Variants in CAP2 observed in about 807,000 individuals in gnomAD.
CAP2 encodes cyclase associated actin cytoskeleton regulatory protein 2, also known as adenylyl cyclase-associated protein 2.
Under a neutral mutation model 57.7 loss-of-function variants are expected in CAP2, and 24 were observed. The ratio of observed to expected loss-of-function variants is 0.42; its 90% CI spans 0.30 to 0.58. The LOEUF is 0.58. Ranked by LOEUF, CAP2 falls within the 20% of genes least tolerant of loss-of-function variation. CAP2 has a pLI of 0.22. For synonymous variants in CAP2, 194 were observed against 207.2 expected (o/e 0.94, Z 0.55); for missense variants, 501 against 590.3 (o/e 0.85, Z 1.57).
At chr6:17,396,331 A>T (rs931404962) in intron 1 of CAP2, among the ~76,000 whole-genome samples, 2 of 152,154 alleles carry the variant, frequency 1.3e-5, no homozygotes, top group Non-Finnish European at 2.9e-5. Context: ...ATATGCTCAC[A>T]AAAAAACCTG....
intron 4 of CAP2, among the ~76,000 whole-genome samples, chr6:17,498,829 C>T (rs1009340985): frequency 6.6e-6 from 1 of 151,938 alleles, no homozygotes; most frequent in Admixed American, 6.6e-5. Context: ...CCTGGGTTCA[C>T]GCCATTCTCC....
At chr6:17,499,612 G>A (rs568211835) in intron 4 of CAP2, among the ~76,000 whole-genome samples, 193 of 152,106 alleles carry the variant, frequency 1.3e-3, no homozygotes, top group African/African-American at 4.0e-3. Flanking sequence ...ACTTTGAGAG[G>A]CTGGGGTGGG....
chr6:17,443,500 A>G (rs781300084), intron 3 of CAP2, among the ~76,000 whole-genome samples: 4 of 151,944 alleles, frequency 2.6e-5, no homozygotes, highest in Non-Finnish European at 5.9e-5. Context: ...AAAAGGAATG[A>G]CCTCTTTACA....
In CAP2 at chr6:17,450,197, G is replaced by A. The variant is rs1436039485; in HGVS notation, c.223-12799G>A. ...CTCCCGAGTAGCTGGGACTACAGGCGCCCACCACCACAGCCGGCAAATTTT... is the reference window on the plus strand; with the variant it reads ...CTCCCGAGTAGCTGGGACTACAGGCACCCACCACCACAGCCGGCAAATTTT... On this transcript the variant is annotated intron_variant, in intron 3 of 12. Coordinates refer to ENST00000229922, the MANE Select transcript of CAP2 (RefSeq NM_006366.3). Among the ~76,000 whole-genome samples, 5 of 151,920 alleles carry A rather than the reference G, an allele frequency of 3.3e-5. No homozygotes were observed. The South Asian group carries it at 6.3e-4, about 19-fold the overall frequency.
chr6:17,403,055 A>G (rs925099604), intron 1 of CAP2, among the ~76,000 whole-genome samples: 159 of 152,216 alleles, frequency 1.0e-3, no homozygotes, highest in Non-Finnish European at 7.3e-5. Context: ...AAAAATAAGA[A>G]TTAAATTGAT....
intron 1 of CAP2, among the ~76,000 whole-genome samples, chr6:17,398,152 G>A (rs1758717683): frequency 2.0e-5 from 3 of 152,136 alleles, no homozygotes; most frequent in South Asian, 2.1e-4. Context: ...GGTCACTCAC[G>A]GACATCTTCA....
chr6:17,427,791 C>T (rs1462604165), intron 3 of CAP2, among the ~76,000 whole-genome samples: 2 of 152,156 alleles, frequency 1.3e-5, no homozygotes, highest in East Asian at 3.8e-4. Flanking sequence ...TCTGTACATA[C>T]AATGGAATAT....
intron 4 of CAP2, among the ~76,000 whole-genome samples, chr6:17,500,340 A>T (rs866268068): frequency 9.1e-5 from 3 of 33,024 alleles, no homozygotes; most frequent in Admixed American, 4.1e-4. Context: ...TGTGTGTCCA[A>T]ATATATATAT....
In CAP2 at chr6:17,547,723, C is replaced by G. The variant is rs575454988; in HGVS notation, c.1210-3741C>G. Among the ~76,000 whole-genome samples, 4 of 152,008 alleles carry G rather than the reference C, an allele frequency of 2.6e-5. No individual in the cohort carries two copies. In the South Asian group the frequency reaches 8.3e-4, roughly 32 times the overall value. ...AGGCGTGGTGGCGGGTGCCCATAGT[C>G]CCAGCTACTCAGGAGGCTGAGGCAG... On this transcript the variant is annotated intron_variant, in intron 11 of 12. Transcript: ENST00000229922.
chr6:17,500,340 A>AATATATCTATATATATAT (rs1761775149), intron 4 of CAP2, among the ~76,000 whole-genome samples: 1 of 33,024 alleles, frequency 3.0e-5, no homozygotes, highest in Admixed American at 4.1e-4. Context: ...TGTGTGTCCA[A>AATATATCTATATATATAT]ATATATATAT....
rs1214312976 is a variant in CAP2 at position 17,507,359 on chromosome 6, AG to A, written c.444+48del. On this transcript the variant is annotated intron_variant, in intron 5 of 12. Coordinates refer to ENST00000229922, the MANE Select transcript of CAP2 (RefSeq NM_006366.3). ...CCTCTTCACCTCATCACACGTTTGG[AG>A]TATTTAGGAGAACTAGTAGCTTAGC... 4 of 1,592,216 alleles carry A rather than the reference AG, an allele frequency of 2.5e-6. No homozygotes were observed. In the East Asian group the frequency reaches 6.7e-5, roughly 27 times the overall value.
chr6:17,402,437 C>T (rs1194650573), intron 1 of CAP2, among the ~76,000 whole-genome samples: 1 of 152,030 alleles, frequency 6.6e-6, no homozygotes, highest in African/African-American at 2.4e-5. Flanking sequence ...GAGCAGAGAC[C>T]CTTTTGCAAA....
At chr6:17,409,369 C>T (rs1200585601) in intron 1 of CAP2, among the ~76,000 whole-genome samples, 1 of 149,906 alleles carries the variant, frequency 6.7e-6, no homozygotes, top group African/African-American at 2.5e-5. Context: ...GAGACTCTGT[C>T]TCAAAAAAAA....
chr6:17,555,145 C>T (rs972082155), intron 12 of CAP2, among the ~76,000 whole-genome samples: 3 of 152,202 alleles, frequency 2.0e-5, no homozygotes, highest in Admixed American at 6.5e-5. Flanking sequence ...TTCCATTCCC[C>T]AGACCTACTG....
chr6:17,499,867 A>AAATAAAT (rs1457599444), intron 4 of CAP2, among the ~76,000 whole-genome samples: 1 of 151,202 alleles, frequency 6.6e-6, no homozygotes, highest in East Asian at 1.9e-4. Context: ...ATAAATAAAT[A>AAATAAAT]AATAAATAAA....
At chr6:17,490,300 G>A (rs999158998) in intron 4 of CAP2, among the ~76,000 whole-genome samples, 1 of 152,142 alleles carries the variant, frequency 6.6e-6, no homozygotes, top group Non-Finnish European at 1.5e-5. Context: ...ATCTGTATGA[G>A]TCCACATCTG....
At chr6:17,456,214 GA>G (rs1760566696) in intron 3 of CAP2, among the ~76,000 whole-genome samples, 1 of 152,162 alleles carries the variant, frequency 6.6e-6, no homozygotes, top group African/African-American at 2.4e-5. Flanking sequence ...TCAGTTTTAA[GA>G]AAGCCTCCAG....
intron 7 of CAP2, among the ~76,000 whole-genome samples, chr6:17,534,030 AGG>A (rs1267319317): frequency 6.6e-6 from 1 of 152,190 alleles, no homozygotes; most frequent in Admixed American, 6.5e-5. Flanking sequence ...TCCTTAACTA[AGG>A]TTAAGTCTGT....
At chr6:17,525,869 G>A (rs78674045) in intron 7 of CAP2, among the ~76,000 whole-genome samples, 8,159 of 152,188 alleles carry the variant, frequency 0.054, 319 homozygotes, top group Non-Finnish European at 0.078. Context: ...TGCCACGTCT[G>A]GGAACACAGA....
Sources: allele counts gnomAD v4.1 joint callset (sites outside exome capture counted in the v4.1 genomes callset), GRCh38; gene constraint gnomAD v4.1.1; transcripts MANE v1.5; gene names NCBI Gene and HGNC (gene_info 2026-07-23, HGNC 2026-07-21).